LGR6: variants seen among roughly 807,000 people sequenced by gnomAD.
The protein encoded by LGR6 is leucine rich repeat containing G protein-coupled receptor 6, also known as leucine-rich repeat-containing G protein-coupled receptor 6.
Under a neutral mutation model 69.4 loss-of-function variants are expected in LGR6, and 45 were observed. The observed-to-expected ratio is 0.65, with a 90% CI of 0.51 to 0.83. LGR6 has a LOEUF of 0.83. LGR6 is among the 40% of genes least tolerant of loss of function. The pLI is 0.00. For synonymous variants in LGR6, 538 were observed against 555.0 expected (o/e 0.97, Z 0.43); for missense variants, 1,108 against 1,246.7 (o/e 0.89, Z 1.68).
At chr1:202,221,253 T>G (rs1660135775) in intron 1 of LGR6, among the ~76,000 whole-genome samples, 1 of 152,138 alleles carries the variant, frequency 6.6e-6, no homozygotes, top group Non-Finnish European at 1.5e-5. Flanking sequence ...GCGGAGGGTC[T>G]TCTATGACCC....
Position 202,291,280 on chromosome 1 carries a change from T to A in LGR6, c.717-6228T>A, listed in dbSNP as rs374047733. On this transcript the variant is annotated intron_variant, in intron 6 of 17. Transcript: ENST00000367278. The stretch of plus-strand genomic sequence containing the variant: ...AGGAGACAGAACAATGAACTCTTCC[T>A]GGGCTTCTGGCTGATTGTGGGCTGT... Among the ~76,000 whole-genome samples, 100 of 152,322 alleles carry A rather than the reference T, an allele frequency of 6.6e-4. No homozygotes were observed. The South Asian group carries it at 0.012, about 19-fold the overall frequency.
At chr1:202,239,814 C>G (rs1041057033) in intron 4 of LGR6, among the ~76,000 whole-genome samples, 1 of 152,168 alleles carries the variant, frequency 6.6e-6, no homozygotes, top group Admixed American at 6.5e-5. Context: ...GACTACTTAC[C>G]CTCTGCGTTT....
Position 202,237,172 on chromosome 1 carries a change from T to C in LGR6, c.428+1179T>C, listed in dbSNP as rs369115860. Among the ~76,000 whole-genome samples the C allele has an allele frequency of 8.5e-5, 13 of 152,280 alleles. No homozygotes were observed. In the East Asian group the frequency reaches 1.7e-3, roughly 20 times the overall value. On this transcript the variant is annotated intron_variant, in intron 4 of 17. Coordinates refer to ENST00000367278, the MANE Select transcript of LGR6 (RefSeq NM_001017403.2). Reference sequence around the variant, plus strand: ...TGGCAGAACCTGCCTCCCTGCACTCTCTCAGCTTCTGCCCCCCCTTCCCAA... The same window carrying C: ...TGGCAGAACCTGCCTCCCTGCACTCCCTCAGCTTCTGCCCCCCCTTCCCAA...
chr1:202,199,574 A>G (rs375967095), intron 1 of LGR6, among the ~76,000 whole-genome samples: 1 of 18,542 alleles, frequency 5.4e-5, no homozygotes, highest in African/African-American at 1.9e-4. Flanking sequence ...GCCCACCCCC[A>G]CTCCACCCCG....
chr1:202,205,722 CCTT>C (rs1254625908), intron 1 of LGR6, among the ~76,000 whole-genome samples: 78 of 147,990 alleles, frequency 5.3e-4, no homozygotes, highest in African/African-American at 1.7e-3. Context: ...AACACACACA[CCTT>C]CTTCAAACAC....
chr1:202,249,942 C>T (rs532378664), intron 4 of LGR6, among the ~76,000 whole-genome samples: 3 of 152,332 alleles, frequency 2.0e-5, no homozygotes, highest in South Asian at 4.1e-4. Context: ...GCTTAAAATT[C>T]TCAGTTGGCT....
chr1:202,281,043 C>T, intron 6 of LGR6, 191 bp downstream of exon 6: 1 of 577,864 alleles, frequency 1.7e-6, no homozygotes, highest in East Asian at 3.1e-5. Context: ...TTTCTTCCTC[C>T]TTCAGGTGGT....
intron 5 of LGR6, among the ~76,000 whole-genome samples, chr1:202,276,740 G>A (rs1431591192): frequency 6.6e-6 from 1 of 152,206 alleles, no homozygotes; most frequent in Non-Finnish European, 1.5e-5. Context: ...AAAGTGCTCT[G>A]AGAGTCACTA....
At chr1:202,247,122 G>A (rs947775988) in intron 4 of LGR6, among the ~76,000 whole-genome samples, 3 of 152,226 alleles carry the variant, frequency 2.0e-5, no homozygotes, top group African/African-American at 7.2e-5. Flanking sequence ...GGAATCTTCA[G>A]GGCTGGGGCC....
rs1415207235 is a variant in LGR6 at position 202,268,412 on chromosome 1, C to T, written c.429-7894C>T. ...CCCTCCAGGCAATCAACGGCTCCCACGTGGAATATTTTCCCCACAGAATAA... is the reference window on the plus strand; with the variant it reads ...CCCTCCAGGCAATCAACGGCTCCCATGTGGAATATTTTCCCCACAGAATAA... On this transcript the variant is annotated intron_variant, in intron 4 of 17. Transcript: ENST00000367278. This position sits in a 1 kb window ranked among gnomAD's most constrained non-coding sequence, Gnocchi z 4.4. 2.0e-5 allele frequency among the ~76,000 whole-genome samples: 3 copies of T among 152,114 alleles called. No individual in the cohort carries two copies. The highest frequency in any genetic ancestry group is 4.8e-5 in the African/African-American group (2 of 41,414).
Position 202,215,668 on chromosome 1 carries a change from T to C in LGR6, c.213-9755T>C, listed in dbSNP as rs143753261. ...TTTCCCTCCTGCCTCAGAATCTGTC[T>C]TCCGTCCCTCTTCAATCCCTTGTCC... On this transcript the variant is annotated intron_variant, in intron 1 of 17. Coordinates refer to ENST00000367278, the MANE Select transcript of LGR6 (RefSeq NM_001017403.2). Among the ~76,000 whole-genome samples the C allele has an allele frequency of 2.6e-3, 401 of 152,318 alleles. 1 individual carries two copies. Among genetic ancestry groups the C allele is most frequent in the African/African-American group, 9.5e-3 (396 of 41,574 alleles).
At chr1:202,264,541 G>A (rs930402869) in intron 4 of LGR6, among the ~76,000 whole-genome samples, 6 of 152,182 alleles carry the variant, frequency 3.9e-5, no homozygotes, top group African/African-American at 1.2e-4. Flanking sequence ...CACGAAGGTC[G>A]CCAGAAACCA....
intron 6 of LGR6, among the ~76,000 whole-genome samples, chr1:202,295,310 A>G (rs1667072783): frequency 6.8e-6 from 1 of 146,388 alleles, no homozygotes; most frequent in Non-Finnish European, 1.5e-5. Context: ...CCCAGGCGAC[A>G]GAGCAAGACT....
Position 202,301,317 on chromosome 1 carries a change from C to T in LGR6, c.929+82C>T, listed in dbSNP as rs1313734728. Reference sequence around the variant, plus strand: ...CTTGCTCTCTCCTGCCTATCGCCTGCGGATCTCTCCCTTGCAAGGCACAAG... The same window carrying T: ...CTTGCTCTCTCCTGCCTATCGCCTGTGGATCTCTCCCTTGCAAGGCACAAG... On this transcript the variant is annotated intron_variant, in intron 9 of 17. Coordinates refer to ENST00000367278, the MANE Select transcript of LGR6 (RefSeq NM_001017403.2). 25 of 1,192,144 alleles carry T rather than the reference C, an allele frequency of 2.1e-5. 1 individual carries two copies. Among genetic ancestry groups the T allele is most frequent in the Admixed American group, 1.2e-4 (7 of 56,108 alleles). 73.8% of individuals were successfully genotyped at this position (1,192,144 alleles called of 1,614,324 possible). A position where few individuals can be genotyped will look rare whatever the true frequency, so the allele number is the denominator to read the frequency against.
chr1:202,282,781 G>T (rs111856367), intron 6 of LGR6, among the ~76,000 whole-genome samples: 1 of 152,204 alleles, frequency 6.6e-6, no homozygotes, highest in Non-Finnish European at 1.5e-5. Flanking sequence ...CTGGATTGCC[G>T]CGCAGGGCAT....
intron 6 of LGR6, among the ~76,000 whole-genome samples, chr1:202,287,431 C>T (rs1666471762): frequency 6.6e-6 from 1 of 152,150 alleles, no homozygotes; most frequent in Non-Finnish European, 1.5e-5. Flanking sequence ...TCCCAAGGCT[C>T]AAGTTCTGTT....
chr1:202,303,894 C>T (rs1667786723), intron 10 of LGR6, among the ~76,000 whole-genome samples: 1 of 152,166 alleles, frequency 6.6e-6, no homozygotes, highest in Admixed American at 6.5e-5. Flanking sequence ...GACTGGGGCT[C>T]TCCTCTGTGC....
intron 17 of LGR6, 47 bp from the exon 18 acceptor site, chr1:202,317,905 G>T: frequency 6.5e-7 from 1 of 1,529,142 alleles, no homozygotes. Context: ...TGAAGACCTG[G>T]TCCCACCATC....
intron 12 of LGR6, among the ~76,000 whole-genome samples, chr1:202,306,506 G>T (rs1441493153): frequency 6.6e-6 from 1 of 152,104 alleles, no homozygotes; most frequent in African/African-American, 2.4e-5. Context: ...TCCCAGTTCC[G>T]GCCAGTCACT....
Sources: gnomAD v4.1 joint callset for allele counts (sites outside exome capture counted in the v4.1 genomes callset) on GRCh38, gnomAD v4.1.1 for gene constraint, Gnocchi (gnomAD v3.1) non-coding constraint, MANE v1.5 for transcripts, NCBI Gene and HGNC (gene_info 2026-07-23, HGNC 2026-07-21) for gene names.